The following RP1L1 variants were observed in gnomAD, a reference collection of about 807,000 sequenced individuals.
RP1L1 encodes retinitis pigmentosa 1-like 1 protein.
In RP1L1, 27 loss-of-function variants were observed where a neutral mutation model predicts 15.7. That is an observed-to-expected ratio of 1.72 (90% CI 1.27 to 2.38). The LOEUF (loss-of-function observed/expected upper bound fraction) is 2.38. RP1L1 is among the 30% of genes most tolerant of loss of function. RP1L1 has a pLI of 0.00. For missense variants in RP1L1, 4,798 were observed against 3,075.9 expected (o/e 1.56, Z -13.24); for synonymous variants, 1,813 against 1,276.7 (o/e 1.42, Z -8.96).
rs1477371325 is a variant in RP1L1, at chr8:10,616,425, GA to G, written c.751+20del. On this transcript the variant is annotated intron_variant, in intron 3 of 3. Coordinates refer to ENST00000382483, the MANE Select transcript of RP1L1 (RefSeq NM_178857.6). Reference sequence around the variant, plus strand: ...ACCATGCAGTGCAAATCAGATGGGGGAAACCCAAAAACCAACTCACCGTTTT... The same window carrying G: ...ACCATGCAGTGCAAATCAGATGGGGGAACCCAAAAACCAACTCACCGTTTT... The G allele has an allele frequency of 6.2e-7, 1 of 1,614,038 alleles. No individual in the cohort carries two copies. Among genetic ancestry groups the G allele is most frequent in the East Asian group, 2.2e-5 (1 of 44,888 alleles).
rs1475282367 is a variant in RP1L1 at position 10,611,503 on chromosome 8, C to A, written c.2595G>T (p.Arg865Ser). The change falls in exon 4 of 4, where the codon AGG (arginine) becomes AGT (serine). Residue 865 changes from arginine (R) to serine (S), a missense_variant. By Grantham distance (110) the Arg-to-Ser change is moderately radical (BLOSUM62 -1). Coordinates refer to ENST00000382483, the MANE Select transcript of RP1L1 (RefSeq NM_178857.6). ...TPPRGRPCPQ[R>S]RSSSCGSTGS... ...CGGTGCTCCCACAGCTGGAAGAGCG[C>A]CTCTGGGGGCAGGGCCGCCCCCTGG... The A allele has an allele frequency of 6.3e-7, 1 of 1,576,096 alleles. No individual in the cohort carries two copies.
chr8:10,645,381 G>C (rs1798461997), intron 1 of RP1L1, among the ~76,000 whole-genome samples: 1 of 152,148 alleles, frequency 6.6e-6, no homozygotes, highest in Non-Finnish European at 1.5e-5. Context: ...ATTTTGGAAA[G>C]AATGAGGGAC....
chr8:10,648,019 T>TTC (rs943269629), intron 1 of RP1L1, among the ~76,000 whole-genome samples: 3 of 151,724 alleles, frequency 2.0e-5, no homozygotes, highest in Non-Finnish European at 2.9e-5. Context: ...ATTTTCTGGT[T>TTC]TCTCTCTCTC....
rs1798288658 is a variant in RP1L1 at position 10,633,801 on chromosome 8, T to C, written c.-19-10581A>G. Among the ~76,000 whole-genome samples the C allele has an allele frequency of 4.6e-5, 7 of 152,316 alleles. No homozygotes were observed. The South Asian group carries it at 1.5e-3, about 32-fold the overall frequency. On this transcript the variant is annotated intron_variant, in intron 1 of 3. Coordinates refer to ENST00000382483, the MANE Select transcript of RP1L1 (RefSeq NM_178857.6). ...CAAGGCATATTCTAATTATTGTAGG[T>C]ATACAATACAAGGTATATGTCCAAT... is the stretch of plus-strand genomic sequence containing the variant.
At chr8:10,635,735 G>A (rs1458038082) in intron 1 of RP1L1, among the ~76,000 whole-genome samples, 1 of 152,248 alleles carries the variant, frequency 6.6e-6, no homozygotes, top group Non-Finnish European at 1.5e-5. Flanking sequence ...TGTGGAGACA[G>A]TGGAGGATGT....
chr8:10,626,059 G>T (rs1437973337), intron 1 of RP1L1, among the ~76,000 whole-genome samples: 1 of 152,146 alleles, frequency 6.6e-6, no homozygotes, highest in Admixed American at 6.5e-5. Context: ...AGAAAAAATA[G>T]AAGTCACAGG....
In RP1L1 at chr8:10,607,771, C is replaced by T. The variant is rs748042963; in HGVS notation, c.6327G>A (p.Glu2109=). 1.2e-6 allele frequency: 2 copies of T among 1,608,988 alleles called. No individual in the cohort carries two copies. Among genetic ancestry groups the T allele is most frequent in the Non-Finnish European group, 1.7e-6 (2 of 1,177,860 alleles). Residue 2109 remains glutamate, a synonymous_variant, in exon 4 of 4, where the codon GAG becomes GAA. Coordinates refer to ENST00000382483, the MANE Select transcript of RP1L1 (RefSeq NM_178857.6). ...EGVEAPEAEG[E]AQKAEGIEAP... The stretch of plus-strand genomic sequence containing the variant: ...CCTCTATACCTTCTGCCTTCTGGGC[C>T]TCCCCTTCTGCCTCTGGGGCCTCTA...
chr8:10,646,873 A>AT (rs1373382530), intron 1 of RP1L1, among the ~76,000 whole-genome samples: 1 of 152,214 alleles, frequency 6.6e-6, no homozygotes, highest in Admixed American at 6.5e-5. Context: ...TTAAAGGCCT[A>AT]TTGTGTGTCC....
At chr8:10,637,134 G>C (rs1258449696) in intron 1 of RP1L1, among the ~76,000 whole-genome samples, 1 of 152,200 alleles carries the variant, frequency 6.6e-6, no homozygotes, top group Non-Finnish European at 1.5e-5. Context: ...AGCAGGCAAG[G>C]AGACAGCTGA....
At position 10,608,380 on chromosome 8, in the gene RP1L1, T is replaced by G; in HGVS notation, c.5718A>C (p.Ala1906=). ...CCTCCTTTTCTGCCTCCGGGGCTTC[T>G]GCACCTTCTGACTCTGGCTGGACCT... ...EWEVQPESEG[A]EAPEAEKEAQ... is the part of the protein sequence containing the mutation. The change falls in exon 4 of 4, where the codon GCA becomes GCC. Residue 1906 remains alanine (A), a synonymous_variant. Transcript: ENST00000382483. 2 of 1,613,232 alleles carry G rather than the reference T, an allele frequency of 1.2e-6. No individual in the cohort carries two copies. Among genetic ancestry groups the G allele is most frequent in the Non-Finnish European group, 1.7e-6 (2 of 1,179,908 alleles).
chr8:10,627,871 C>T (rs6988482), intron 1 of RP1L1, among the ~76,000 whole-genome samples: 131,437 of 152,136 alleles, frequency 0.86, 57,319 homozygotes, highest in Non-Finnish European at 0.93. Context: ...AAAGAGGGCT[C>T]CACAAGGGTA....
rs1797900286 is a variant in RP1L1 at position 10,613,111 on chromosome 8, G to A, written c.987C>T (p.Phe329=). 6 of 1,613,944 alleles carry A rather than the reference G, an allele frequency of 3.7e-6. No homozygotes were observed. The highest frequency in any genetic ancestry group is 5.1e-6 in the Non-Finnish European group (6 of 1,180,032). The stretch of plus-strand genomic sequence containing the variant: ...GGAGCGTGTCCTCGCCGACCAGGTG[G>A]AAGCGGACTTTCATCTCCACGGACA... ...GSLSVEMKVR[F]HLVGEDTLLW... Residue 329 remains phenylalanine (F), a synonymous_variant, in exon 4 of 4, where the codon TTC becomes TTT. Coordinates refer to ENST00000382483, the MANE Select transcript of RP1L1 (RefSeq NM_178857.6).
chr8:10,631,370 T>C (rs201637847), intron 1 of RP1L1, among the ~76,000 whole-genome samples: 6 of 21,758 alleles, frequency 2.8e-4, no homozygotes, highest in East Asian at 9.1e-3. Flanking sequence ...CAAACACACA[T>C]GCACACAAAC....
intron 1 of RP1L1, among the ~76,000 whole-genome samples, chr8:10,644,898 G>C (rs1374624970): frequency 6.6e-6 from 1 of 152,188 alleles, no homozygotes; most frequent in Non-Finnish European, 1.5e-5. Context: ...TACCAATAAC[G>C]GTGAAAAATT....
intron 2 of RP1L1, 92 bp from the exon 3 acceptor site, chr8:10,616,679 C>A (rs963838747): frequency 7.0e-7 from 1 of 1,418,550 alleles, no homozygotes; most frequent in Non-Finnish European, 9.4e-7. Context: ...TCTCACCAGC[C>A]CTGTCCTGAT....
At chr8:10,642,138 G>A (rs554004844) in intron 1 of RP1L1, among the ~76,000 whole-genome samples, 14 of 152,216 alleles carry the variant, frequency 9.2e-5, no homozygotes, top group African/African-American at 2.9e-4. Flanking sequence ...CTACACCTGC[G>A]TATAAATCTA....
chr8:10,636,697 C>T (rs1027332976), intron 1 of RP1L1, among the ~76,000 whole-genome samples: 7 of 152,248 alleles, frequency 4.6e-5, no homozygotes, highest in Admixed American at 2.6e-4. Context: ...GCCACAGCTG[C>T]TAATCCAGCT....
intron 1 of RP1L1, among the ~76,000 whole-genome samples, chr8:10,630,808 C>G (rs2117240483): frequency 6.6e-6 from 1 of 152,364 alleles, no homozygotes; most frequent in African/African-American, 2.4e-5. Flanking sequence ...AGCCAAAACA[C>G]TGGACATGAT....
chr8:10,617,272 G>C (rs1350030886), intron 2 of RP1L1, among the ~76,000 whole-genome samples: 1 of 151,968 alleles, frequency 6.6e-6, no homozygotes, highest in East Asian at 1.9e-4. Flanking sequence ...GCAGATCTGA[G>C]GGTTTGCACT....
Sources: gnomAD v4.1 joint callset for allele counts (sites outside exome capture counted in the v4.1 genomes callset) on GRCh38, gnomAD v4.1.1 for gene constraint, MANE v1.5 for transcripts, NCBI Gene and HGNC (gene_info 2026-07-23, HGNC 2026-07-21) for gene names.